Variants in ADAMTSL1 observed in about 807,000 individuals in gnomAD.
ADAMTSL1 encodes the protein ADAMTS like 1, also known as ADAMTS-like protein 1.
Under a neutral mutation model 201.8 loss-of-function variants are expected in ADAMTSL1, and 126 were observed. The observed-to-expected ratio is 0.62, with a 90% CI of 0.54 to 0.72. ADAMTSL1 has a LOEUF of 0.72. Among genes scored for constraint, ADAMTSL1 ranks in the 30% least tolerant of loss-of-function variants. The pLI is 0.00. For missense variants in ADAMTSL1, 2,679 were observed against 2,277.8 expected (o/e 1.18, Z -3.59); for synonymous variants, 1,121 against 903.4 (o/e 1.24, Z -4.32).
intron 2 of ADAMTSL1, among the ~76,000 whole-genome samples, chr9:18,462,025 C>G (rs977962774): frequency 3.9e-5 from 6 of 152,018 alleles, no homozygotes; most frequent in African/African-American, 1.2e-4. Context: ...TTTCCATCAG[C>G]TTTTGGTTGA....
At chr9:18,408,285 A>G (rs1002716738) in intron 2 of ADAMTSL1, among the ~76,000 whole-genome samples, 2 of 152,166 alleles carry the variant, frequency 1.3e-5, no homozygotes, top group African/African-American at 2.4e-5. Context: ...CCTGGCCAAC[A>G]TGGTGAAACA....
At chr9:18,797,565 C>T (rs1399817103) in intron 20 of ADAMTSL1, among the ~76,000 whole-genome samples, 1 of 151,696 alleles carries the variant, frequency 6.6e-6, no homozygotes, top group African/African-American at 2.4e-5. Flanking sequence ...GGAGACCCTG[C>T]TTAGTAGGTT....
intron 2 of ADAMTSL1, among the ~76,000 whole-genome samples, chr9:18,462,843 G>A (rs1820858732): frequency 6.6e-6 from 1 of 152,028 alleles, no homozygotes; most frequent in Admixed American, 6.6e-5. Flanking sequence ...GGAGGCTGAG[G>A]CAGGAGAATC....
chr9:18,704,911 G>A (rs964531303), intron 13 of ADAMTSL1, among the ~76,000 whole-genome samples: 1 of 152,154 alleles, frequency 6.6e-6, no homozygotes, highest in Non-Finnish European at 1.5e-5. Flanking sequence ...AGGTTATATG[G>A]GGACCTTTGT....
intron 1 of ADAMTSL1, among the ~76,000 whole-genome samples, chr9:18,044,139 TG>T (rs1369011074): frequency 6.6e-6 from 1 of 150,814 alleles, no homozygotes; most frequent in African/African-American, 2.5e-5. Flanking sequence ...TCATATTTCC[TG>T]TAGGGAATAG....
intron 1 of ADAMTSL1, among the ~76,000 whole-genome samples, chr9:17,979,276 TTTC>T (rs1381116579): frequency 2.0e-5 from 3 of 152,156 alleles, no homozygotes; most frequent in Non-Finnish European, 4.4e-5. Context: ...TTCTCTTTCT[TTTC>T]TTCTTCTTGG....
chr9:18,761,057 CAAT>C (rs953525703), intron 16 of ADAMTSL1, among the ~76,000 whole-genome samples: 1 of 152,126 alleles, frequency 6.6e-6, no homozygotes, highest in African/African-American at 2.4e-5. Flanking sequence ...AGTGGGTACT[CAAT>C]AAATGTTTGG....
At chr9:18,696,064 C>T (rs552677) in intron 13 of ADAMTSL1, among the ~76,000 whole-genome samples, 62,774 of 151,846 alleles carry the variant, frequency 0.41, 13,276 homozygotes, top group Admixed American at 0.52. Context: ...CTCTTGAGAG[C>T]TCACTATCAC....
At chr9:18,145,437 C>A (rs892239427) in intron 1 of ADAMTSL1, among the ~76,000 whole-genome samples, 15 of 152,174 alleles carry the variant, frequency 9.9e-5, no homozygotes, top group Non-Finnish European at 1.3e-4. Context: ...GAATGTTAAT[C>A]ATCATGTTAG....
rs374051895 is a variant in ADAMTSL1, at chr9:18,405,047, C to A, written c.208-99782C>A. 2.6e-5 allele frequency among the ~76,000 whole-genome samples: 4 copies of A among 152,116 alleles called. No homozygotes were observed. In the East Asian group the frequency reaches 7.7e-4, roughly 29 times the overall value. On this transcript the variant is annotated intron_variant, in intron 2 of 29. Coordinates refer to the ADAMTSL1 transcript ENST00000680146. ...TTCCTTTATTTCCAGCGCTAGACCT[C>A]CGCAACTGGCCCCTAAATACCTGAC... is the stretch of plus-strand genomic sequence containing the variant.
intron 1 of ADAMTSL1, among the ~76,000 whole-genome samples, chr9:18,021,989 T>C (rs899102873): frequency 6.6e-6 from 1 of 152,000 alleles, no homozygotes; most frequent in Non-Finnish European, 1.5e-5. Flanking sequence ...TCTATAAAAG[T>C]GGTGATAAAA....
At chr9:18,468,804 A>G (rs912287681) in intron 2 of ADAMTSL1, among the ~76,000 whole-genome samples, 1 of 152,232 alleles carries the variant, frequency 6.6e-6, no homozygotes, top group Non-Finnish European at 1.5e-5. Flanking sequence ...CACCTACAGT[A>G]TGAGAAGCCC....
chr9:18,749,958 T>C (rs1179461850), intron 15 of ADAMTSL1, among the ~76,000 whole-genome samples: 1 of 152,136 alleles, frequency 6.6e-6, no homozygotes, highest in Admixed American at 6.5e-5. Flanking sequence ...CTGCCAGAAA[T>C]GGTGGCAGAG....
intron 2 of ADAMTSL1, among the ~76,000 whole-genome samples, chr9:18,352,063 C>CT (rs899574187): frequency 7.4e-5 from 11 of 148,608 alleles, no homozygotes; most frequent in South Asian, 2.1e-4. Flanking sequence ...GTTTAACAAA[C>CT]TTTTTTTTTT....
At chr9:18,333,095 A>T (rs1378827750) in intron 2 of ADAMTSL1, among the ~76,000 whole-genome samples, 2 of 152,218 alleles carry the variant, frequency 1.3e-5, no homozygotes, top group Admixed American at 1.3e-4. Context: ...TCTAGCAAGT[A>T]AAGGATTTGG....
chr9:18,656,511 C>A (rs1422661873), intron 7 of ADAMTSL1, among the ~76,000 whole-genome samples: 1 of 151,828 alleles, frequency 6.6e-6, no homozygotes, highest in Non-Finnish European at 1.5e-5. Context: ...CGTCTGTAGT[C>A]CCAGCTACTC....
At chr9:18,014,809 A>C (rs1194258472) in intron 1 of ADAMTSL1, among the ~76,000 whole-genome samples, 1 of 152,010 alleles carries the variant, frequency 6.6e-6, no homozygotes, top group Non-Finnish European at 1.5e-5. Context: ...AATACATCAG[A>C]ACTGTCTTCT....
At chr9:18,008,476 G>C (rs979921177) in intron 1 of ADAMTSL1, among the ~76,000 whole-genome samples, 2 of 151,886 alleles carry the variant, frequency 1.3e-5, no homozygotes, top group African/African-American at 4.8e-5. Flanking sequence ...GTTAGGACAG[G>C]CTTTACATTT....
chr9:18,704,443 GA>G (rs1363026010), intron 13 of ADAMTSL1, among the ~76,000 whole-genome samples: 1 of 152,104 alleles, frequency 6.6e-6, no homozygotes, highest in East Asian at 1.9e-4. Context: ...TTTCTGATTC[GA>G]AAACAAAGTT....
Sources: allele counts gnomAD v4.1 joint callset (sites outside exome capture counted in the v4.1 genomes callset), GRCh38; gene constraint gnomAD v4.1.1; transcripts MANE v1.5; gene names NCBI Gene and HGNC (gene_info 2026-07-23, HGNC 2026-07-21).